The following SHISA6 variants were observed in gnomAD, a reference collection of about 807,000 sequenced individuals.
SHISA6 encodes shisa family member 6, also known as protein shisa-6.
In SHISA6, 22 loss-of-function variants were observed where a neutral mutation model predicts 47.9. The observed-to-expected ratio is 0.46, with a 90% CI of 0.33 to 0.66. The LOEUF is 0.66. Among genes scored for constraint, SHISA6 ranks in the 30% least tolerant of loss-of-function variants. The probability of loss-of-function intolerance (pLI) is 0.02; values close to 1 mark genes in which losing one functional copy is unlikely to be tolerated. For missense variants in SHISA6, 680 were observed against 764.6 expected, an observed-to-expected ratio of 0.89 and a Z score of 1.30; for synonymous variants, 388 against 337.8, an observed-to-expected ratio of 1.15 and a Z score of -1.63.
intron 2 of SHISA6, among the ~76,000 whole-genome samples, chr17:11,357,451 C>T (rs1001663605): frequency 6.6e-6 from 1 of 152,154 alleles, no homozygotes; most frequent in African/African-American, 2.4e-5. Context: ...TAAAATGACT[C>T]ATATTACATC....
rs1483377815 is a variant in SHISA6, at chr17:11,561,268, C to G, written c.*2964C>G. 1 of 152,354 alleles carries G rather than the reference C, an allele frequency of 6.6e-6. No homozygotes were observed. The highest frequency in any genetic ancestry group is 6.5e-5 in the Admixed American group (1 of 15,278). 9.4% of individuals were successfully genotyped at this position (152,354 alleles called of 1,614,324 possible). On this transcript the variant is annotated 3_prime_UTR_variant, in exon 6 of 6. Coordinates refer to ENST00000441885, the MANE Select transcript of SHISA6 (RefSeq NM_207386.4). ...AGGAAGCCTAAAGCCCAAGATTTCC[C>G]TCTCCTTGTTTTATTCATTTTTGCA...
chr17:11,355,086 G>A (rs1912037394), intron 2 of SHISA6, among the ~76,000 whole-genome samples: 1 of 152,240 alleles, frequency 6.6e-6, no homozygotes, highest in African/African-American at 2.4e-5. Flanking sequence ...CTATTCACAT[G>A]AGAGTGAAGC....
chr17:11,388,119 G>T (rs943156015), intron 3 of SHISA6, among the ~76,000 whole-genome samples: 3 of 152,296 alleles, frequency 2.0e-5, no homozygotes, highest in South Asian at 2.1e-4. Context: ...GATGTCTGAG[G>T]CATTTGACTA....
intron 3 of SHISA6, among the ~76,000 whole-genome samples, chr17:11,546,979 A>G (rs2071889033): frequency 6.6e-6 from 1 of 152,190 alleles, no homozygotes; most frequent in Non-Finnish European, 1.5e-5. Flanking sequence ...ATGTCGATAA[A>G]TGGTACATGC....
At chr17:11,258,838 G>A (rs1908116555) in intron 1 of SHISA6, among the ~76,000 whole-genome samples, 1 of 152,222 alleles carries the variant, frequency 6.6e-6, no homozygotes, top group South Asian at 2.1e-4. Flanking sequence ...GTCTGGGTAG[G>A]TCTTTGCCCC....
intron 2 of SHISA6, among the ~76,000 whole-genome samples, chr17:11,332,337 T>C (rs1166643757): frequency 6.6e-6 from 1 of 152,138 alleles, no homozygotes; most frequent in Non-Finnish European, 1.5e-5. Flanking sequence ...AGCTCTCTGC[T>C]ACCCTGCGTA....
At chr17:11,270,421 T>C (rs1762916025) in intron 2 of SHISA6, among the ~76,000 whole-genome samples, 1 of 151,486 alleles carries the variant, frequency 6.6e-6, no homozygotes. Context: ...CAAGGTGATG[T>C]AGAAAGAGCT....
At chr17:11,474,921 T>C (rs137872367) in intron 3 of SHISA6, among the ~76,000 whole-genome samples, 1 of 152,292 alleles carries the variant, frequency 6.6e-6, no homozygotes, top group East Asian at 1.9e-4. Flanking sequence ...GCATTGAATC[T>C]ATAGATCAAG....
In SHISA6 at chr17:11,291,687, G is replaced by A. The variant is rs117108245; in HGVS notation, c.799+28161G>A. 3.3e-5 allele frequency among the ~76,000 whole-genome samples: 5 copies of A among 152,046 alleles called. No homozygotes were observed. In the East Asian group the frequency reaches 5.8e-4, roughly 18 times the overall value. On this transcript the variant is annotated intron_variant, in intron 2 of 5. Transcript: ENST00000441885. Reference sequence around the variant, plus strand: ...AGCACCATGGATTTATTTCCTTACCGTTCTGAAGGTTGAAATCCAAGATCA... The same window carrying A: ...AGCACCATGGATTTATTTCCTTACCATTCTGAAGGTTGAAATCCAAGATCA...
intron 2 of SHISA6, among the ~76,000 whole-genome samples, chr17:11,365,198 C>A (rs746388164): frequency 2.0e-5 from 3 of 152,048 alleles, no homozygotes; most frequent in Non-Finnish European, 4.4e-5. Flanking sequence ...ATTACTACTG[C>A]AATTGATACT....
chr17:11,446,552 A>C (rs1227526950), intron 3 of SHISA6, among the ~76,000 whole-genome samples: 1 of 152,270 alleles, frequency 6.6e-6, no homozygotes, highest in Non-Finnish European at 1.5e-5. Flanking sequence ...GCTGTCAGCA[A>C]AATACTCTTA....
chr17:11,242,419 T>C (rs1487462687), intron 1 of SHISA6, among the ~76,000 whole-genome samples: 1 of 152,198 alleles, frequency 6.6e-6, no homozygotes, highest in Admixed American at 6.5e-5. Context: ...TGGCATTTAG[T>C]TTTTTGAGTC....
chr17:11,551,564 C>T (rs1166020171), intron 3 of SHISA6, among the ~76,000 whole-genome samples: 1 of 152,168 alleles, frequency 6.6e-6, no homozygotes, highest in Non-Finnish European at 1.5e-5. Flanking sequence ...CCACCCTGTC[C>T]ATGCACGCAT....
At chr17:11,347,271 C>T (rs371333487) in intron 2 of SHISA6, among the ~76,000 whole-genome samples, 2 of 151,710 alleles carry the variant, frequency 1.3e-5, no homozygotes, top group Non-Finnish European at 2.9e-5. Flanking sequence ...GAAACAACAA[C>T]AACAGCAGCA....
chr17:11,434,706 A>T (rs1287908813), intron 3 of SHISA6, among the ~76,000 whole-genome samples: 1 of 152,202 alleles, frequency 6.6e-6, no homozygotes, highest in Non-Finnish European at 1.5e-5. Flanking sequence ...ACTGGTACCT[A>T]TTACCATTTT....
intron 1 of SHISA6, among the ~76,000 whole-genome samples, chr17:11,252,976 A>G (rs1907871116): frequency 6.6e-6 from 1 of 152,248 alleles, no homozygotes; most frequent in Non-Finnish European, 1.5e-5. Context: ...AATGCGTTTC[A>G]GTGCTCAGAT....
chr17:11,482,210 AAC>A (rs1916239102), intron 3 of SHISA6, among the ~76,000 whole-genome samples: 1 of 152,238 alleles, frequency 6.6e-6, no homozygotes, highest in Non-Finnish European at 1.5e-5. Flanking sequence ...AAAAGTAACC[AAC>A]ACAAAGAAAT....
At chr17:11,365,629 G>T (rs1912425457) in intron 2 of SHISA6, among the ~76,000 whole-genome samples, 1 of 152,102 alleles carries the variant, frequency 6.6e-6, no homozygotes, top group South Asian at 2.1e-4. Flanking sequence ...TTAGACAGTT[G>T]ACAGGAATTT....
intron 3 of SHISA6, among the ~76,000 whole-genome samples, chr17:11,494,075 T>C (rs950909265): frequency 1.4e-4 from 22 of 152,166 alleles, no homozygotes; most frequent in Non-Finnish European, 2.8e-4. Flanking sequence ...TATTTGAGAC[T>C]GTGGCTTAGC....
Sources: gnomAD v4.1 joint callset for allele counts (sites outside exome capture counted in the v4.1 genomes callset) on GRCh38, gnomAD v4.1.1 for gene constraint, MANE v1.5 for transcripts, NCBI Gene and HGNC (gene_info 2026-07-23, HGNC 2026-07-21) for gene names.